Variants in NEB observed in about 807,000 individuals in gnomAD.
NEB encodes nemaline myopathy type 2.
Under a neutral mutation model 952.2 loss-of-function variants are expected in NEB, and 512 were observed. The observed-to-expected ratio is 0.54, with a 90% CI of 0.50 to 0.58. The LOEUF is 0.58. Among genes scored for constraint, NEB ranks in the 20% least tolerant of loss-of-function variants. The probability of loss-of-function intolerance (pLI) is 0.00; values close to 1 mark genes in which losing one functional copy is unlikely to be tolerated. For synonymous variants in NEB, 2,900 were observed against 3,149.8 expected (o/e 0.92, Z 2.66); for missense variants, 8,428 against 9,231.1 (o/e 0.91, Z 3.56).
chr2:151,570,083 C>T lies in NEB; in HGVS notation c.17428G>A (p.Asp5810Asn), dbSNP rs768819601. The stretch of plus-strand genomic sequence containing the variant: ...AACCCCAAATGCAGCCCACTCACAT[C>T]GCTCTGCAGTTCGTAGGCCTTCTTG... The part of the protein sequence containing the change: ...QAKKAYELQS[D>N]NVYKADLEWL... The change falls in exon 109 of 182, where the codon GAT becomes AAT. Residue 5810 changes from aspartate to asparagine, a missense_variant and splice_region_variant. Around this residue, in one of 11 missense-constraint regions of NEB, gnomAD observed 3,374 missense variants for 3,651.5 expected, o/e 0.92. Coordinates refer to ENST00000397345, the MANE Select transcript of NEB (RefSeq NM_001164508.2). 3.7e-6 allele frequency: 6 copies of T among 1,603,928 alleles called. No homozygotes were observed. The highest frequency in any genetic ancestry group is 1.1e-5 in the South Asian group (1 of 89,040).
chr2:151,693,921 T>C (rs2099576692), intron 20 of NEB, among the ~76,000 whole-genome samples: 2 of 152,194 alleles, frequency 1.3e-5, no homozygotes, highest in Admixed American at 1.3e-4. Flanking sequence ...TACATTAATT[T>C]CTTTACTTCT....
intron 40 of NEB, among the ~76,000 whole-genome samples, chr2:151,666,786 C>T (rs1207145950): frequency 6.6e-6 from 1 of 151,848 alleles, no homozygotes; most frequent in Non-Finnish European, 1.5e-5. Flanking sequence ...GTCATGACTC[C>T]CTGCAGCCTC....
At chr2:151,494,324 A>G in intron 173 of NEB, 71 bp from the exon 174 acceptor site, 1 of 1,049,366 alleles carries the variant, frequency 9.5e-7, no homozygotes, top group East Asian at 2.6e-5. Context: ...AGGAAATGGT[A>G]CAGATAACTT....
chr2:151,525,035 C>T lies in NEB; in HGVS notation c.22272+128G>A. On this transcript the variant is annotated intron_variant, in intron 151 of 181. Coordinates refer to ENST00000397345, the MANE Select transcript of NEB (RefSeq NM_001164508.2). ...TTTTTTCCTTAAACCCAAACCAATT[C>T]TCGCCACTAACTTTTTGAAACTACC... The T allele has an allele frequency of 5.4e-6, 4 of 746,552 alleles. No homozygotes were observed. In the South Asian group the frequency reaches 6.5e-5, roughly 12 times the overall value. The allele number at this position is 746,552 out of a possible 1,614,324, so 46.2% of individuals were successfully genotyped here. A position where few individuals can be genotyped will look rare whatever the true frequency, so the allele number is the denominator to read the frequency against.
chr2:151,537,774 C>T, intron 140 of NEB, 98 bp downstream of exon 140: 1 of 767,326 alleles, frequency 1.3e-6, no homozygotes, highest in Non-Finnish European at 1.9e-6. Context: ...AATCTAAAAT[C>T]TAGCCAAGAG....
At chr2:151,535,871 G>A (rs1034170881) in intron 141 of NEB, 76 bp from the exon 142 acceptor site, 3 of 754,940 alleles carry the variant, frequency 4.0e-6, no homozygotes, top group Non-Finnish European at 6.4e-6. Flanking sequence ...TTTATCATAT[G>A]ATATAATTGT....
rs535967336 is a variant in NEB at position 151,518,998 on chromosome 2, A to G, written c.22662T>C (p.Asn7554=). 6.2e-7 allele frequency: 1 copy of G among 1,613,632 alleles called. No individual in the cohort carries two copies. The highest frequency in any genetic ancestry group is 1.3e-5 in the African/African-American group (1 of 75,044). ...CAAGTTGGCTTGTATTCAGGACATG[A>G]TTCATGATCAGAGACTCCTTCATGT... The part of the protein sequence containing the change: ...VTDMKESLIM[N]HVLNTSQLAS... Residue 7554 remains asparagine (N), a synonymous_variant, in exon 155 of 182, where the codon AAT becomes AAC. Coordinates refer to ENST00000397345, the MANE Select transcript of NEB (RefSeq NM_001164508.2).
Position 151,676,621 on chromosome 2 carries a change from A to ATAT in NEB, c.3774+941_3774+943dup, listed in dbSNP as rs550329590. ...TTTTCATTCCTTTCCTACTGCTGTT[A>ATAT]TATTGTTCATTCCTTTTCTACTGCT... On this transcript the variant is annotated intron_variant, in intron 34 of 181. Coordinates refer to ENST00000397345, the MANE Select transcript of NEB (RefSeq NM_001164508.2). Among the ~76,000 whole-genome samples, 418 of 152,124 alleles carry ATAT rather than the reference A, an allele frequency of 2.7e-3. 2 individuals carry two copies. Among genetic ancestry groups the ATAT allele is most frequent in the African/African-American group, 9.6e-3 (400 of 41,526 alleles).
chr2:151,579,388 C>T lies in NEB; in HGVS notation c.16654G>A (p.Asp5552Asn), dbSNP rs1057523613. 3.9e-6 allele frequency: 6 copies of T among 1,531,220 alleles called. No homozygotes were observed. The highest frequency in any genetic ancestry group is 2.3e-4 in the Middle Eastern group (1 of 4,360). 94.9% of individuals were successfully genotyped at this position (1,531,220 alleles called of 1,614,324 possible). ...CTGGCTTGGATCACATCATTCTGGTCGGGAAAGCAAGACCAGCGGTGCAGG... is the reference window on the plus strand; with the variant it reads ...CTGGCTTGGATCACATCATTCTGGTTGGGAAAGCAAGACCAGCGGTGCAGG... ...HYLHRWSCFP[D>N]QNDVIQARKA... The change falls in exon 105 of 182, where the codon GAC (aspartate) becomes AAC (asparagine). Residue 5552 changes from aspartate (D) to asparagine (N), a missense_variant. Around this residue, in one of 11 missense-constraint regions of NEB, gnomAD observed 19 missense variants for 49.3 expected, o/e 0.39. Transcript: ENST00000397345.
chr2:151,595,400 C>T (rs1442042018), intron 92 of NEB, among the ~76,000 whole-genome samples: 4 of 152,164 alleles, frequency 2.6e-5, no homozygotes, highest in South Asian at 2.1e-4. Context: ...TACAGGCTCC[C>T]GCCACCACGC....
At chr2:151,671,993 A>AG (rs1335929682) in intron 37 of NEB, among the ~76,000 whole-genome samples, 1 of 151,754 alleles carries the variant, frequency 6.6e-6, no homozygotes, top group Non-Finnish European at 1.5e-5. Flanking sequence ...AAGGAAAAAA[A>AG]AAAACACCTT....
chr2:151,704,832 C>T (rs930645254), intron 13 of NEB, among the ~76,000 whole-genome samples: 3 of 152,210 alleles, frequency 2.0e-5, no homozygotes, highest in African/African-American at 7.2e-5. Flanking sequence ...GCGTCGCTCG[C>T]TCACGCTGGG....
At position 151,567,324 on chromosome 2, in the gene NEB, G is replaced by T; in HGVS notation, c.18000C>A (p.Ile6000=). The change falls in exon 114 of 182, where the codon ATC becomes ATA. Residue 6000 remains isoleucine (I), a synonymous_variant. Transcript: ENST00000397345. The stretch of plus-strand genomic sequence containing the variant: ...CTGACACCATATCAGCAGGTATATT[G>T]ATTTTGGCCTTTGTTTTGTGATAGT... The part of the protein sequence containing the change: ...KEDYHKTKAK[I]NIPADMVSVL... The T allele has an allele frequency of 6.2e-7, 1 of 1,613,880 alleles. No homozygotes were observed. The highest frequency in any genetic ancestry group is 8.5e-7 in the Non-Finnish European group (1 of 1,179,852).
intron 107 of NEB, among the ~76,000 whole-genome samples, chr2:151,575,257 G>C (rs538486421): frequency 8.6e-5 from 13 of 151,750 alleles, no homozygotes; most frequent in African/African-American, 2.2e-4. Context: ...ATGTTTTTTG[G>C]TTTTTTCTCC....
intron 164 of NEB, chr2:151,505,854 A>G (rs2068446747): frequency 1.9e-6 from 1 of 533,996 alleles, no homozygotes; most frequent in Non-Finnish European, 3.3e-6. Context: ...CTTTATGCCC[A>G]GCAGGTCGTT....
intron 92 of NEB, among the ~76,000 whole-genome samples, chr2:151,595,101 G>A (rs1375721279): frequency 8.8e-6 from 1 of 113,804 alleles, no homozygotes; most frequent in Non-Finnish European, 1.8e-5. Flanking sequence ...GACTAGCTAT[G>A]GTTATTAGAG....
Position 151,583,908 on chromosome 2 carries a change from C to T in NEB, c.15664-142G>A, listed in dbSNP as rs1249698032. 3.7e-6 allele frequency: 3 copies of T among 817,804 alleles called. 1 individual carries two copies. Among genetic ancestry groups the T allele is most frequent in the Non-Finnish European group, 5.3e-6 (3 of 564,352 alleles). The allele number at this position is 817,804 out of a possible 1,614,324, so 50.7% of individuals were successfully genotyped here. On this transcript the variant is annotated intron_variant, in intron 100 of 181. Transcript: ENST00000397345. ...TTGGCAGTCATTACATATTTCAGTTCACTTTAAAGAAGTTAGATAATACGA... is the reference window on the plus strand; with the variant it reads ...TTGGCAGTCATTACATATTTCAGTTTACTTTAAAGAAGTTAGATAATACGA...
chr2:151,695,578 A>G lies in NEB; in HGVS notation c.1674T>C (p.Asp558=), dbSNP rs376597690. 5.6e-6 allele frequency: 9 copies of G among 1,611,086 alleles called. No homozygotes were observed. Among genetic ancestry groups the G allele is most frequent in the Non-Finnish European group, 7.6e-6 (9 of 1,177,354 alleles). ...QHKVNAYNLS[D]NLYKQDWEKS... ...ATGGTACAGGGCATAAGGAACTTAC[A>G]TCACTCAAGTTATAGGCATTGACTT... The change falls in exon 18 of 182, where the codon GAT becomes GAC. Residue 558 remains aspartate (D), a splice_region_variant and synonymous_variant. Coordinates refer to ENST00000397345, the MANE Select transcript of NEB (RefSeq NM_001164508.2).
Position 151,612,196 on chromosome 2 carries a change from G to A in NEB, c.11795C>T (p.Thr3932Ile). 2.5e-6 allele frequency: 4 copies of A among 1,613,466 alleles called. No homozygotes were observed. The South Asian group carries it at 4.4e-5, about 18-fold the overall frequency. Residue 3932 changes from threonine to isoleucine, a missense_variant, in exon 78 of 182, where the codon ACA (threonine) becomes ATA (isoleucine). By Grantham distance (89) the Thr-to-Ile change is moderately conservative (BLOSUM62 -1). Around this residue, in one of 11 missense-constraint regions of NEB, gnomAD observed 337 missense variants for 297.5 expected, o/e 1.13. Transcript: ENST00000397345. Reference sequence around the variant, plus strand: ...CAGCTGGAGACTCACCTTGCTCATTGTCAGGGCATTATTCTTTGCTAGGAC... The same window carrying A: ...CAGCTGGAGACTCACCTTGCTCATTATCAGGGCATTATTCTTTGCTAGGAC... ...EIVLAKNNAL[T>I]MSKHLYTEAW...
Sources: gnomAD v4.1 joint callset for allele counts (sites outside exome capture counted in the v4.1 genomes callset) on GRCh38, gnomAD v4.1.1 for gene constraint, gnomAD v4.1.1 regional missense constraint, MANE v1.5 for transcripts, NCBI Gene and HGNC (gene_info 2026-07-23, HGNC 2026-07-21) for gene names.